The following ZNF749 variants were observed in gnomAD, a reference collection of about 807,000 sequenced individuals.
ZNF749 encodes the protein zinc finger protein 749.
A neutral mutation model predicts 7.3 loss-of-function variants in ZNF749; 8 were observed. That is an observed-to-expected ratio of 1.10 (90% CI 0.64 to 1.98). The LOEUF is 1.98. ZNF749 is among the 30% of genes most tolerant of loss of function. The pLI is 0.00. For missense variants in ZNF749, 898 were observed against 932.4 expected (o/e 0.96, Z 0.48); for synonymous variants, 310 against 322.4 (o/e 0.96, Z 0.41).
upstream of ZNF749, among the ~76,000 whole-genome samples, chr19:57,433,634 T>A (rs1234936291): frequency 2.0e-5 from 3 of 149,916 alleles, no homozygotes; most frequent in Non-Finnish European, 2.9e-5. Flanking sequence ...TTTTTTTTTT[T>A]AAACTGGTTG....
At chr19:57,433,111 AGTGTGTGTGTGTGTGTGT>A (rs71186260), upstream of ZNF749, among the ~76,000 whole-genome samples, 1,061 of 143,504 alleles carry the variant, frequency 7.4e-3, 6 homozygotes, top group Non-Finnish European at 9.8e-3. Flanking sequence ...AGTCTTGAGG[AGTGTGTGTGTGTGTGTGT>A]GTGTGTGTGT....
Position 57,439,235 on chromosome 19 carries a change from G to A in ZNF749, c.16-2650G>A, listed in dbSNP as rs904162102. Among the ~76,000 whole-genome samples, 7 of 152,210 alleles carry A rather than the reference G, an allele frequency of 4.6e-5. No individual in the cohort carries two copies. In the East Asian group the frequency reaches 5.8e-4, roughly 13 times the overall value. On this transcript the variant is annotated intron_variant, in intron 1 of 2. Coordinates refer to ENST00000334181, the MANE Select transcript of ZNF749 (RefSeq NM_001023561.4). This position sits in a 1 kb window ranked among gnomAD's most constrained non-coding sequence, Gnocchi z 4.3. ...TTGTTGGTGACTGAACGAGAGTGGC[G>A]GTGGTGGAAGTGGGAGGAGTGGGGG...
At position 57,445,285 on chromosome 19, in the gene ZNF749, A is replaced by G; in HGVS notation, c.2137A>G (p.Ile713Val). Residue 713 changes from isoleucine to valine, a missense_variant, in exon 3 of 3, where the codon ATA becomes GTA. Coordinates refer to ENST00000334181, the MANE Select transcript of ZNF749 (RefSeq NM_001023561.4). ...GTTTAGGACTAAATCGAGCCTTATT[A>G]TACATCAGCAGTCTCACACTGGAGA... ...ELFRTKSSLI[I>V]HQQSHTGESP... 1 of 1,614,006 alleles carries G rather than the reference A, an allele frequency of 6.2e-7. No individual in the cohort carries two copies. The highest frequency in any genetic ancestry group is 1.1e-5 in the South Asian group (1 of 91,086).
chr19:57,430,113 A>G, the ZNF749 span, among the ~76,000 whole-genome samples: 2 of 152,246 alleles, frequency 1.3e-5, no homozygotes, highest in Admixed American at 1.3e-4. Context: ...ACATGTATAC[A>G]AGTGGCATGT....
At chr19:57,434,579 T>C (rs2088916447), upstream of ZNF749, among the ~76,000 whole-genome samples, 1 of 152,194 alleles carries the variant, frequency 6.6e-6, no homozygotes, top group Admixed American at 6.5e-5. Context: ...ATTGATGTCT[T>C]ACGTCTTCCT....
rs1343347893 is a variant in ZNF749 at position 57,445,559 on chromosome 19, C to T, written c.*74C>T. 2.0e-5 allele frequency: 30 copies of T among 1,520,798 alleles called. No individual in the cohort carries two copies. In the East Asian group the frequency reaches 5.9e-4, roughly 30 times the overall value. The allele number at this position is 1,520,798 out of a possible 1,614,324, so 94.2% of individuals were successfully genotyped here. A position where few individuals can be genotyped will look rare whatever the true frequency, so the allele number is the denominator to read the frequency against. On this transcript the variant is annotated 3_prime_UTR_variant, in exon 3 of 3. Transcript: ENST00000334181. Reference sequence around the variant, plus strand: ...AAAAGGTTCACATCGGACCAAGAACCTATTAATATATGTAAATCTAATGTT... The same window carrying T: ...AAAAGGTTCACATCGGACCAAGAACTTATTAATATATGTAAATCTAATGTT...
chr19:57,432,715 T>A (rs1421718465), upstream of ZNF749, among the ~76,000 whole-genome samples: 1 of 152,120 alleles, frequency 6.6e-6, no homozygotes, highest in Non-Finnish European at 1.5e-5. Context: ...ATAAAGGACC[T>A]CTGTGGTTAC....
At chr19:57,428,963 T>A in the ZNF749 span, among the ~76,000 whole-genome samples, 1 of 152,222 alleles carries the variant, frequency 6.6e-6, no homozygotes. Context: ...CCTTCCTTGC[T>A]AAGGCTGAAT....
intron 1 of ZNF749, 168 bp downstream of exon 1, chr19:57,435,761 A>C (rs1252624975): frequency 1.5e-6 from 2 of 1,327,470 alleles, no homozygotes; most frequent in African/African-American, 3.0e-5. Flanking sequence ...CTCCCGTCGG[A>C]GACCGACACG....
At chr19:57,434,888 T>G (rs565316106), upstream of ZNF749, among the ~76,000 whole-genome samples, 5 of 152,346 alleles carry the variant, frequency 3.3e-5, no homozygotes, top group Admixed American at 6.5e-5. Flanking sequence ...CCGCTATGAA[T>G]GGAGGACCAG....
rs1424746078 is a variant in ZNF749, at chr19:57,436,398, T to G, written c.15+805T>G. ...AAGAATCCTACATCGTTTTTTCATA[T>G]GGGCTGAGGTAGGGGAGGGCTCAGA... On this transcript the variant is annotated intron_variant, in intron 1 of 2. Transcript: ENST00000334181. This position sits in a 1 kb window ranked among gnomAD's most constrained non-coding sequence, Gnocchi z 4.0. Among the ~76,000 whole-genome samples the G allele has an allele frequency of 6.6e-6, 1 of 152,090 alleles. No homozygotes were observed.
At chr19:57,440,999 G>A (rs1207284966) in intron 1 of ZNF749, among the ~76,000 whole-genome samples, 1 of 151,484 alleles carries the variant, frequency 6.6e-6, no homozygotes, top group Non-Finnish European at 1.5e-5. Context: ...GGTGGCAGGT[G>A]CCTGTAATCC....
intron 1 of ZNF749, among the ~76,000 whole-genome samples, chr19:57,438,809 T>C (rs1194401811): frequency 6.6e-6 from 1 of 152,194 alleles, no homozygotes; most frequent in African/African-American, 2.4e-5. Context: ...ACTCAGCCTC[T>C]GGTTATAGAG....
upstream of ZNF749, among the ~76,000 whole-genome samples, chr19:57,433,111 A>AGTGTGTGTGTGTGTGT (rs71186260): frequency 7.0e-6 from 1 of 143,412 alleles, no homozygotes; most frequent in African/African-American, 2.6e-5. Context: ...AGTCTTGAGG[A>AGTGTGTGTGTGTGTGT]GTGTGTGTGT....
chr19:57,430,539 A>G (rs1600099050), upstream of ZNF749, among the ~76,000 whole-genome samples: 2 of 152,232 alleles, frequency 1.3e-5, no homozygotes, highest in African/African-American at 4.8e-5. Flanking sequence ...CTCTATGAAC[A>G]CATGCTAGTC....
intron 1 of ZNF749, among the ~76,000 whole-genome samples, chr19:57,438,791 GAGTCAGA>G (rs1164914121): frequency 6.6e-6 from 1 of 152,130 alleles, no homozygotes; most frequent in Non-Finnish European, 1.5e-5. Flanking sequence ...CGACAACCAG[GAGTCAGA>G]ACTCAGCCTC....
intron 1 of ZNF749, chr19:57,437,900 T>A (rs1335310220): frequency 2.5e-6 from 1 of 393,952 alleles, no homozygotes; most frequent in Non-Finnish European, 4.5e-6. Context: ...AATCTCCATT[T>A]TACACATAAG....
intron 1 of ZNF749, among the ~76,000 whole-genome samples, chr19:57,440,120 G>T (rs186237467): frequency 2.1e-4 from 32 of 152,172 alleles, no homozygotes; most frequent in Admixed American, 2.1e-3. Flanking sequence ...GGGCTTTTGA[G>T]GGGAGAGTGG....
At chr19:57,433,111 AGTGTGT>A (rs71186260), upstream of ZNF749, among the ~76,000 whole-genome samples, 11,352 of 143,378 alleles carry the variant, frequency 0.079, 441 homozygotes, top group Middle Eastern at 0.11. Flanking sequence ...AGTCTTGAGG[AGTGTGT>A]GTGTGTGTGT....
Sources: gnomAD v4.1 joint callset for allele counts (sites outside exome capture counted in the v4.1 genomes callset) on GRCh38, gnomAD v4.1.1 for gene constraint, Gnocchi (gnomAD v3.1) non-coding constraint, MANE v1.5 for transcripts, NCBI Gene and HGNC (gene_info 2026-07-23, HGNC 2026-07-21) for gene names.